Variants in MAN1A1 observed in about 807,000 individuals in gnomAD.
MAN1A1 encodes mannosyl-oligosaccharide 1,2-alpha-mannosidase IA.
In MAN1A1, 29 loss-of-function variants were observed where a neutral mutation model predicts 70.8. The observed-to-expected ratio is 0.41, with a 90% CI of 0.31 to 0.56. The LOEUF (loss-of-function observed/expected upper bound fraction) is 0.56, where lower values mean the gene tolerates loss of function less well. Ranked by LOEUF, MAN1A1 falls within the 20% of genes least tolerant of loss-of-function variation. MAN1A1 has a pLI of 0.29. For synonymous variants in MAN1A1, 349 were observed against 330.1 expected, an observed-to-expected ratio of 1.06 and a Z score of -0.62; for missense variants, 747 against 841.3, an observed-to-expected ratio of 0.89 and a Z score of 1.39.
chr6:119,240,681 C>A (rs769959700), intron 6 of MAN1A1, among the ~76,000 whole-genome samples: 7 of 152,234 alleles, frequency 4.6e-5, no homozygotes, highest in African/African-American at 1.7e-4. Flanking sequence ...TACCGCCTCA[C>A]AATGCATGAC....
At chr6:119,340,595 T>C (rs889810523) in intron 2 of MAN1A1, among the ~76,000 whole-genome samples, 1 of 152,178 alleles carries the variant, frequency 6.6e-6, no homozygotes, top group African/African-American at 2.4e-5. Context: ...CCCTTTCTCA[T>C]AAACTCCTAG....
At chr6:119,217,826 A>G (rs1689159433) in intron 6 of MAN1A1, among the ~76,000 whole-genome samples, 1 of 152,186 alleles carries the variant, frequency 6.6e-6, no homozygotes, top group Non-Finnish European at 1.5e-5. Flanking sequence ...ACATGCACAC[A>G]CATATATGGA....
intron 6 of MAN1A1, among the ~76,000 whole-genome samples, chr6:119,222,782 A>ATTAGCCAATT (rs1774399880): frequency 6.6e-6 from 1 of 152,204 alleles, no homozygotes; most frequent in Non-Finnish European, 1.5e-5. Context: ...CACAGCTGAA[A>ATTAGCCAATT]TCCTGGGCAG....
intron 10 of MAN1A1, 83 bp from the exon 11 acceptor site, chr6:119,188,660 C>G: frequency 8.0e-7 from 1 of 1,248,164 alleles, no homozygotes; most frequent in Middle Eastern, 2.0e-4. Flanking sequence ...CTAGAAAGTA[C>G]AGTCATCCCT....
intron 2 of MAN1A1, among the ~76,000 whole-genome samples, chr6:119,340,635 T>C (rs1020402069): frequency 3.9e-5 from 6 of 152,112 alleles, no homozygotes; most frequent in African/African-American, 1.2e-4. Flanking sequence ...GCAACAAAGG[T>C]TGTTTCAGAG....
At chr6:119,344,515 T>C (rs1460734703) in intron 2 of MAN1A1, among the ~76,000 whole-genome samples, 1 of 152,194 alleles carries the variant, frequency 6.6e-6, no homozygotes, top group African/African-American at 2.4e-5. Flanking sequence ...CTATGTTCAG[T>C]AGGGAATGTG....
intron 8 of MAN1A1, among the ~76,000 whole-genome samples, chr6:119,200,940 A>C (rs1773696994): frequency 6.6e-6 from 1 of 152,174 alleles, no homozygotes; most frequent in South Asian, 2.1e-4. Context: ...CAAAGGAATG[A>C]ATTTCCTTTC....
At chr6:119,294,755 T>G (rs936120417) in intron 4 of MAN1A1, among the ~76,000 whole-genome samples, 2 of 152,070 alleles carry the variant, frequency 1.3e-5, no homozygotes, top group Non-Finnish European at 2.9e-5. Context: ...GACCACTTAA[T>G]CAAAGAACAC....
At chr6:119,281,922 C>G (rs1014262380) in intron 5 of MAN1A1, among the ~76,000 whole-genome samples, 1 of 151,594 alleles carries the variant, frequency 6.6e-6, no homozygotes, top group African/African-American at 2.4e-5. Flanking sequence ...ATTAGCCGGG[C>G]ATGGTGGCGG....
At position 119,243,808 on chromosome 6, in the gene MAN1A1, A is replaced by C. The variant is rs969728318; in HGVS notation, c.992+4452T>G. ...TACAAAGCAGGAAATAAAACAGGTGAGGGGTTGTGCCTCATTCATCACCTC... is the reference window on the plus strand; with the variant it reads ...TACAAAGCAGGAAATAAAACAGGTGCGGGGTTGTGCCTCATTCATCACCTC... On this transcript the variant is annotated intron_variant, in intron 6 of 12. Transcript: ENST00000368468. Among the ~76,000 whole-genome samples the C allele has an allele frequency of 1.1e-4, 17 of 152,242 alleles. 1 individual carries two copies. The highest frequency in any genetic ancestry group is 3.6e-4 in the African/African-American group (15 of 41,578).
intron 5 of MAN1A1, among the ~76,000 whole-genome samples, chr6:119,267,444 A>T (rs1775788943): frequency 6.6e-6 from 1 of 152,210 alleles, no homozygotes; most frequent in Non-Finnish European, 1.5e-5. Context: ...AATATATCTC[A>T]AGATGTAAGG....
intron 2 of MAN1A1, among the ~76,000 whole-genome samples, chr6:119,327,811 T>C (rs572528957): frequency 1.3e-5 from 2 of 152,242 alleles, no homozygotes; most frequent in Admixed American, 1.3e-4. Flanking sequence ...CATAAATATA[T>C]ACAATTTTTG....
At chr6:119,244,910 A>G (rs973759728) in intron 6 of MAN1A1, among the ~76,000 whole-genome samples, 3 of 152,160 alleles carry the variant, frequency 2.0e-5, no homozygotes, top group Admixed American at 1.3e-4. Flanking sequence ...AGGACTTAGT[A>G]AGAAATCTTT....
chr6:119,305,327 G>C (rs1430652696), intron 3 of MAN1A1, among the ~76,000 whole-genome samples: 1 of 151,932 alleles, frequency 6.6e-6, no homozygotes, highest in Non-Finnish European at 1.5e-5. Flanking sequence ...TTTCTTAATG[G>C]TACCAAAGAC....
chr6:119,305,621 TC>T (rs1772505038), intron 3 of MAN1A1, among the ~76,000 whole-genome samples: 1 of 152,184 alleles, frequency 6.6e-6, no homozygotes, highest in African/African-American at 2.4e-5. Context: ...TTTTCCCAGC[TC>T]TTTCTACCTG....
chr6:119,194,282 T>C (rs1333475532), intron 8 of MAN1A1, among the ~76,000 whole-genome samples: 1 of 152,224 alleles, frequency 6.6e-6, no homozygotes, highest in Non-Finnish European at 1.5e-5. Flanking sequence ...GCAAATCTTT[T>C]TTAGAAGGTG....
intron 7 of MAN1A1, 42 bp from the exon 8 acceptor site, chr6:119,201,389 C>G: frequency 7.8e-7 from 1 of 1,284,352 alleles, no homozygotes; most frequent in Non-Finnish European, 1.1e-6. Flanking sequence ...ATCTAAAAAA[C>G]AATTTTCATG....
At chr6:119,336,273 T>G (rs531787330) in intron 2 of MAN1A1, among the ~76,000 whole-genome samples, 3 of 152,192 alleles carry the variant, frequency 2.0e-5, no homozygotes, top group Non-Finnish European at 4.4e-5. Context: ...TTTTACCACG[T>G]TGGCCAGGCT....
intron 6 of MAN1A1, among the ~76,000 whole-genome samples, chr6:119,206,608 C>T (rs1773868296): frequency 6.6e-6 from 1 of 152,104 alleles, no homozygotes; most frequent in Non-Finnish European, 1.5e-5. Flanking sequence ...TTATTAGGCT[C>T]TGGGAATGTG....
Sources: allele counts gnomAD v4.1 joint callset (sites outside exome capture counted in the v4.1 genomes callset), GRCh38; gene constraint gnomAD v4.1.1; transcripts MANE v1.5; gene names NCBI Gene and HGNC (gene_info 2026-07-23, HGNC 2026-07-21).